The following MOXD1 variants were observed in gnomAD, a reference collection of about 807,000 sequenced individuals.
MOXD1 encodes the protein DBH-like monooxygenase protein 1.
A neutral mutation model predicts 66.6 loss-of-function variants in MOXD1; 62 were observed. The ratio of observed to expected loss-of-function variants is 0.93; its 90% CI spans 0.76 to 1.15. MOXD1 has a LOEUF of 1.15. MOXD1 is among the 50% of genes most tolerant of loss of function. MOXD1 has a pLI of 0.00. For missense variants in MOXD1, 847 were observed against 754.6 expected, an observed-to-expected ratio of 1.12 and a Z score of -1.44; for synonymous variants, 303 against 281.9, an observed-to-expected ratio of 1.07 and a Z score of -0.75.
chr6:132,388,677 C>G lies in MOXD1; in HGVS notation c.264+12486G>C, dbSNP rs990493738. Among the ~76,000 whole-genome samples the G allele has an allele frequency of 5.9e-5, 9 of 151,312 alleles. No homozygotes were observed. In the Admixed American group the frequency reaches 6.0e-4, roughly 10 times the overall value. ...ATCTATTTACATAACTGGAAAGACG[C>G]TGGAGAATTTTTCAGAATAAAAAGG... On this transcript the variant is annotated intron_variant, in intron 1 of 11. Coordinates refer to ENST00000367963, the MANE Select transcript of MOXD1 (RefSeq NM_015529.4).
At chr6:132,298,823 G>C (rs1053751667) in intron 10 of MOXD1, among the ~76,000 whole-genome samples, 3 of 152,044 alleles carry the variant, frequency 2.0e-5, no homozygotes, top group Non-Finnish European at 4.4e-5. Context: ...ATTGTTGGTG[G>C]GGATGTAAAT....
intron 10 of MOXD1, among the ~76,000 whole-genome samples, chr6:132,315,283 T>A (rs146037990): frequency 3.9e-5 from 6 of 152,348 alleles, no homozygotes; most frequent in African/African-American, 7.2e-5. Flanking sequence ...GTGACTCCAC[T>A]GGAAGAGGGC....
At chr6:132,327,381 T>G (rs987986121) in intron 6 of MOXD1, among the ~76,000 whole-genome samples, 3 of 152,214 alleles carry the variant, frequency 2.0e-5, no homozygotes, top group Non-Finnish European at 4.4e-5. Context: ...GGCACATAGT[T>G]GGAGCTCAGT....
chr6:132,345,103 A>C (rs1367203984), intron 4 of MOXD1, among the ~76,000 whole-genome samples: 3 of 152,244 alleles, frequency 2.0e-5, no homozygotes. Flanking sequence ...CATCGGCCAC[A>C]GAATTTTCTG....
intron 4 of MOXD1, among the ~76,000 whole-genome samples, chr6:132,340,364 G>A (rs1775526082): frequency 5.9e-5 from 9 of 151,696 alleles, no homozygotes; most frequent in Admixed American, 5.9e-4. Context: ...AACGAAGGCT[G>A]AGGTGACTAC....
intron 1 of MOXD1, among the ~76,000 whole-genome samples, chr6:132,392,790 C>G (rs1264584704): frequency 2.0e-5 from 3 of 152,244 alleles, no homozygotes; most frequent in Non-Finnish European, 4.4e-5. Flanking sequence ...ACATTTCTCT[C>G]TTTTCTTTCC....
At chr6:132,337,960 T>C (rs970045781) in intron 4 of MOXD1, among the ~76,000 whole-genome samples, 1 of 152,150 alleles carries the variant, frequency 6.6e-6, no homozygotes, top group African/African-American at 2.4e-5. Flanking sequence ...AGAGGTCCCA[T>C]CTTGGCTGTG....
At position 132,372,954 on chromosome 6, in the gene MOXD1, G is replaced by A; in HGVS notation, c.455C>T (p.Ala152Val). The stretch of plus-strand genomic sequence containing the variant: ...ATGGTACTTGGGACCAGCTTCTCCT[G>A]CATCTTCATGGTGGTAGGCCCAGAT... ...RVIWAYHHED[A>V]GEAGPKYHDS... Residue 152 changes from alanine to valine, a missense_variant, in exon 3 of 12, where the codon GCA becomes GTA. Transcript: ENST00000367963. The A allele has an allele frequency of 1.2e-6, 2 of 1,613,946 alleles. No individual in the cohort carries two copies. The highest frequency in any genetic ancestry group is 1.7e-6 in the Non-Finnish European group (2 of 1,179,880).
At chr6:132,316,023 T>C (rs58161297) in intron 9 of MOXD1, among the ~76,000 whole-genome samples, 2,347 of 152,246 alleles carry the variant, frequency 0.015, 67 homozygotes, top group African/African-American at 0.054. Flanking sequence ...GATGTAAACT[T>C]CTCAACACAG....
intron 1 of MOXD1, among the ~76,000 whole-genome samples, chr6:132,378,747 A>G (rs1204512727): frequency 6.6e-6 from 1 of 152,092 alleles, no homozygotes; most frequent in African/African-American, 2.4e-5. Context: ...ACTCATGGGT[A>G]AAAACCTTCC....
intron 4 of MOXD1, among the ~76,000 whole-genome samples, chr6:132,349,694 C>T (rs1775764708): frequency 6.6e-6 from 1 of 151,802 alleles, no homozygotes; most frequent in Non-Finnish European, 1.5e-5. Context: ...TAAGGAATCT[C>T]CACACTGTTT....
At chr6:132,363,277 A>G in intron 4 of MOXD1, among the ~76,000 whole-genome samples, 1 of 151,118 alleles carries the variant, frequency 6.6e-6, no homozygotes, top group South Asian at 2.1e-4. Context: ...GAATATGTCT[A>G]TTACCTTGGT....
At chr6:132,390,428 CA>C (rs2114692294) in intron 1 of MOXD1, 1 of 151,642 alleles carries the variant, frequency 6.6e-6, no homozygotes, top group African/African-American at 2.4e-5. Flanking sequence ...CTGCTTATCA[CA>C]TCACTCCGTT....
intron 10 of MOXD1, among the ~76,000 whole-genome samples, chr6:132,305,329 G>A (rs1412385932): frequency 1.3e-5 from 2 of 152,216 alleles, no homozygotes; most frequent in Non-Finnish European, 2.9e-5. Flanking sequence ...GAACTCCAAT[G>A]ACTCCAACTA....
chr6:132,382,520 T>C (rs192337304), intron 1 of MOXD1, among the ~76,000 whole-genome samples: 5 of 152,282 alleles, frequency 3.3e-5, no homozygotes, highest in Non-Finnish European at 5.9e-5. Context: ...ATATTGATTA[T>C]GTATTTAGCT....
At chr6:132,396,405 G>T (rs1776876129) in intron 1 of MOXD1, among the ~76,000 whole-genome samples, 1 of 151,870 alleles carries the variant, frequency 6.6e-6, no homozygotes, top group African/African-American at 2.4e-5. Flanking sequence ...AAAGTTTATA[G>T]CAACAAACAC....
intron 1 of MOXD1, chr6:132,391,953 A>C: frequency 2.3e-6 from 1 of 439,280 alleles, no homozygotes; most frequent in Non-Finnish European, 4.0e-6. Flanking sequence ...ACTAATGCAC[A>C]AAGCACGACA....
intron 8 of MOXD1, among the ~76,000 whole-genome samples, chr6:132,321,120 C>T (rs1775070120): frequency 2.0e-5 from 3 of 152,082 alleles, no homozygotes; most frequent in African/African-American, 4.8e-5. Flanking sequence ...CAAAAATTAG[C>T]CAGGCGTGGT....
Position 132,314,906 on chromosome 6 carries a change from C to T in MOXD1, c.1508+729G>A, listed in dbSNP as rs192010195. 3.0e-3 allele frequency among the ~76,000 whole-genome samples: 461 copies of T among 152,092 alleles called. 3 individuals carry two copies. Among genetic ancestry groups the T allele is most frequent in the Middle Eastern group, 0.024 (7 of 294 alleles). On this transcript the variant is annotated intron_variant, in intron 10 of 11. Coordinates refer to ENST00000367963, the MANE Select transcript of MOXD1 (RefSeq NM_015529.4). ...TCTTAAATAGCTCCTATAATTGTAC[C>T]GAAAGAGAACAATTATACCTAAAGA...
Sources: allele counts gnomAD v4.1 joint callset (sites outside exome capture counted in the v4.1 genomes callset), GRCh38; gene constraint gnomAD v4.1.1; transcripts MANE v1.5; gene names NCBI Gene and HGNC (gene_info 2026-07-23, HGNC 2026-07-21).